Variants in GCH1 observed in about 807,000 individuals in gnomAD.
GCH1 encodes the protein GTP cyclohydrolase 1.
A neutral mutation model predicts 25.9 loss-of-function variants in GCH1; 5 were observed. That is an observed-to-expected ratio of 0.19 (90% CI 0.10 to 0.41). GCH1 has a LOEUF of 0.41. GCH1 is among the 10% of genes least tolerant of loss of function. GCH1 has a pLI of 1.00. For missense variants in GCH1, 261 were observed against 336.5 expected (o/e 0.78, Z 1.75); for synonymous variants, 159 against 129.6 (o/e 1.23, Z -1.54).
intron 1 of GCH1, among the ~76,000 whole-genome samples, chr14:54,872,780 T>C (rs1044720307): frequency 6.6e-6 from 1 of 152,144 alleles, no homozygotes; most frequent in Admixed American, 6.5e-5. Context: ...AAGGGATCAA[T>C]TCAATTCAAC....
At chr14:54,894,730 T>A (rs2040463304) in intron 1 of GCH1, among the ~76,000 whole-genome samples, 1 of 135,216 alleles carries the variant, frequency 7.4e-6, no homozygotes, top group South Asian at 2.1e-4. Flanking sequence ...AAAATTCCAA[T>A]CATATAATAT....
At chr14:54,866,232 C>T (rs986988270) in intron 1 of GCH1, among the ~76,000 whole-genome samples, 3 of 152,142 alleles carry the variant, frequency 2.0e-5, no homozygotes, top group Non-Finnish European at 2.9e-5. Flanking sequence ...TCCTAACATT[C>T]GGTGACTGCA....
chr14:54,853,818 G>A (rs1274726894), intron 3 of GCH1, among the ~76,000 whole-genome samples: 1 of 151,846 alleles, frequency 6.6e-6, no homozygotes, highest in Non-Finnish European at 1.5e-5. Flanking sequence ...ACACTTCACA[G>A]GTTTCTCTAC....
intron 5 of GCH1, among the ~76,000 whole-genome samples, chr14:54,845,046 A>G (rs1313302568): frequency 4.6e-5 from 7 of 152,030 alleles, no homozygotes; most frequent in Non-Finnish European, 1.5e-5. Context: ...GGTGGCGGGC[A>G]CCTGTAATCC....
chr14:54,887,720 A>C (rs2040371428), intron 1 of GCH1, among the ~76,000 whole-genome samples: 1 of 152,204 alleles, frequency 6.6e-6, no homozygotes. Flanking sequence ...TTTTAGGGTG[A>C]CATTTCACCT....
At chr14:54,852,863 C>T (rs1267301008) in intron 3 of GCH1, among the ~76,000 whole-genome samples, 4 of 152,200 alleles carry the variant, frequency 2.6e-5, no homozygotes, top group Admixed American at 2.0e-4. Flanking sequence ...GGAACTTCAT[C>T]TTTGGGTATC....
At chr14:54,880,437 T>A (rs1315086050) in intron 1 of GCH1, among the ~76,000 whole-genome samples, 2 of 125,748 alleles carry the variant, frequency 1.6e-5, no homozygotes, top group African/African-American at 3.0e-5. Flanking sequence ...ACTCCATATA[T>A]ATATATACTC....
chr14:54,888,637 C>G (rs947975383), intron 1 of GCH1, among the ~76,000 whole-genome samples: 1 of 151,784 alleles, frequency 6.6e-6, no homozygotes, highest in Admixed American at 6.6e-5. Flanking sequence ...CTCAGCCTCC[C>G]GAGTAGCTGG....
chr14:54,872,183 G>A (rs1379221603), intron 1 of GCH1, among the ~76,000 whole-genome samples: 5 of 152,208 alleles, frequency 3.3e-5, no homozygotes, highest in South Asian at 4.1e-4. Flanking sequence ...AGAGAGTGGG[G>A]GCCAATATTC....
intron 1 of GCH1, chr14:54,884,992 A>C (rs956384166): frequency 4.9e-6 from 1 of 203,228 alleles, no homozygotes; most frequent in African/African-American, 2.4e-5. Context: ...AGCTCCTCAT[A>C]TAGTGCCTCC....
intron 3 of GCH1, among the ~76,000 whole-genome samples, chr14:54,851,767 T>G (rs1484104665): frequency 1.3e-5 from 2 of 152,178 alleles, no homozygotes; most frequent in Admixed American, 1.3e-4. Context: ...ACTTTTACAC[T>G]GTTGGTGGGA....
chr14:54,861,961 T>C (rs143094584), intron 2 of GCH1, among the ~76,000 whole-genome samples: 104 of 152,294 alleles, frequency 6.8e-4, no homozygotes, highest in African/African-American at 2.4e-3. Flanking sequence ...ATTCCTTCAT[T>C]ATCAATTGCA....
chr14:54,883,700 G>T (rs2040307339), intron 1 of GCH1, among the ~76,000 whole-genome samples: 1 of 151,950 alleles, frequency 6.6e-6, no homozygotes, highest in Non-Finnish European at 1.5e-5. Flanking sequence ...TAAATAAAAA[G>T]AAAAGAGAGA....
At chr14:54,855,550 C>CT (rs1210021165) in intron 3 of GCH1, among the ~76,000 whole-genome samples, 1 of 135,106 alleles carries the variant, frequency 7.4e-6, no homozygotes, top group African/African-American at 2.8e-5. Flanking sequence ...TGCAGTGACT[C>CT]ATGCCTGTAA....
At chr14:54,858,832 G>T (rs1401791825) in intron 3 of GCH1, among the ~76,000 whole-genome samples, 1 of 152,018 alleles carries the variant, frequency 6.6e-6, no homozygotes, top group Non-Finnish European at 1.5e-5. Flanking sequence ...TGGTGGCTGG[G>T]GCCTACCAGA....
chr14:54,848,989 G>A (rs930692274), intron 3 of GCH1, among the ~76,000 whole-genome samples: 1 of 152,138 alleles, frequency 6.6e-6, no homozygotes, highest in Non-Finnish European at 1.5e-5. Flanking sequence ...TTTCCTTCTC[G>A]TATTCACCAT....
At chr14:54,895,839 G>A (rs1319083521) in intron 1 of GCH1, among the ~76,000 whole-genome samples, 2 of 152,166 alleles carry the variant, frequency 1.3e-5, no homozygotes, top group African/African-American at 4.8e-5. Context: ...CCTAGCCCAT[G>A]AGCTACAGTC....
intron 1 of GCH1, among the ~76,000 whole-genome samples, chr14:54,870,005 T>A (rs2040046174): frequency 1.3e-5 from 2 of 152,128 alleles, no homozygotes; most frequent in African/African-American, 4.8e-5. Context: ...GACAGGTGGT[T>A]TACCAGGGCC....
At chr14:54,849,408 C>G (rs1272373592) in intron 3 of GCH1, among the ~76,000 whole-genome samples, 1 of 152,074 alleles carries the variant, frequency 6.6e-6, no homozygotes, top group African/African-American at 2.4e-5. Flanking sequence ...TGCTGGGAAC[C>G]GAATTCTAGT....
Sources: gnomAD v4.1 joint callset for allele counts (sites outside exome capture counted in the v4.1 genomes callset) on GRCh38, gnomAD v4.1.1 for gene constraint, MANE v1.5 for transcripts, NCBI Gene and HGNC (gene_info 2026-07-23, HGNC 2026-07-21) for gene names.